The following ZNF652 variants were observed in gnomAD, a reference collection of about 807,000 sequenced individuals.
The protein encoded by ZNF652 is zinc finger protein 652.
In ZNF652, 16 loss-of-function variants were observed where a neutral mutation model predicts 45.2. The ratio of observed to expected loss-of-function variants is 0.35; its 90% CI spans 0.24 to 0.54. The LOEUF is 0.54. Ranked by LOEUF, ZNF652 falls within the 20% of genes least tolerant of loss-of-function variation. The pLI, the probability that ZNF652 is intolerant of heterozygous loss-of-function variation, is 0.91. For missense variants in ZNF652, 614 were observed against 765.6 expected, an observed-to-expected ratio of 0.80 and a Z score of 2.34; for synonymous variants, 250 against 260.6, an observed-to-expected ratio of 0.96 and a Z score of 0.39.
intron 1 of ZNF652, among the ~76,000 whole-genome samples, chr17:49,331,121 CTTTTTTTTT>C (rs1291833601): frequency 4.3e-5 from 5 of 115,728 alleles, no homozygotes; most frequent in African/African-American, 1.6e-4. Context: ...ATGAATGTGT[CTTTTTTTTT>C]TTTTTTTTTG....
chr17:49,317,101 T>G lies in ZNF652; in HGVS notation c.625A>C (p.Thr209Pro), dbSNP rs368648396. The change falls in exon 2 of 6, where the codon ACT becomes CCT. Residue 209 changes from threonine (T) to proline (P), a missense_variant. This residue lies in a region of ZNF652 where 262 missense variants were observed against 306.3 expected (regional missense o/e 0.86). Transcript: ENST00000430262. ...ACACTCTTCCTACGACCTCTTGTAG[T>G]TCTGGGAGTAGGGGAAGTGGTAGCT... is the stretch of plus-strand genomic sequence containing the variant. The part of the protein sequence containing the change: ...AAATTSPTPR[T>P]TRGRRKSVEP... 9 of 1,613,974 alleles carry G rather than the reference T, an allele frequency of 5.6e-6. No individual in the cohort carries two copies. The highest frequency in any genetic ancestry group is 4.5e-5 in the East Asian group (2 of 44,874).
chr17:49,297,388 T>C lies in ZNF652; in HGVS notation c.*1025A>G, dbSNP rs1453809982. ...TCCTCCTGTCAGCAAACAGCCTTAT[T>C]CAAATTTTCAAAACATGCAAGCTTT... is the stretch of plus-strand genomic sequence containing the variant. On this transcript the variant is annotated 3_prime_UTR_variant, in exon 6 of 6. Transcript: ENST00000430262. 1 of 152,482 alleles carries C rather than the reference T, an allele frequency of 6.6e-6. No homozygotes were observed. The highest frequency in any genetic ancestry group is 1.5e-5 in the Non-Finnish European group (1 of 68,036). The allele number at this position is 152,482 out of a possible 1,614,324, so 9.4% of individuals were successfully genotyped here. A position where few individuals can be genotyped will look rare whatever the true frequency, so the allele number is the denominator to read the frequency against.
chr17:49,340,635 G>A (rs904947281), intron 1 of ZNF652, among the ~76,000 whole-genome samples: 1 of 151,770 alleles, frequency 6.6e-6, no homozygotes, highest in South Asian at 2.1e-4. Context: ...TTTAAAAACT[G>A]GTTGGCATGG....
chr17:49,293,902 T>C lies in ZNF652; in HGVS notation c.*4511A>G, dbSNP rs1227193359. The stretch of plus-strand genomic sequence containing the variant: ...AAATATTTATCATGTGGACCAGCAA[T>C]GCAATAAAAGTTGTCTTTTCTATAC... On this transcript the variant is annotated 3_prime_UTR_variant, in exon 6 of 6. Transcript: ENST00000430262. Among the ~76,000 whole-genome samples the C allele has an allele frequency of 6.6e-6, 1 of 152,148 alleles. No homozygotes were observed. Among genetic ancestry groups the C allele is most frequent in the African/African-American group, 2.4e-5 (1 of 41,450 alleles).
Position 49,317,380 on chromosome 17 carries a change from G to A in ZNF652, c.346C>T (p.Gln116Ter). Residue 116 changes from glutamine to a stop codon, truncating the protein, a stop_gained, in exon 2 of 6, where the codon CAG becomes TAG. Transcript: ENST00000430262. LOFTEE classifies it high-confidence loss of function. The stretch of plus-strand genomic sequence containing the variant: ...TTAAGGTTTACCTCCACTATGATCT[G>A]CTCCCTTTTGTAAGAGACTTCTTCC... ...EEEEVSYKREQIIVEVNLNNQ... is the reference protein window; with the variant it reads ...EEEEVSYKRE 1 of 1,613,938 alleles carries A rather than the reference G, an allele frequency of 6.2e-7. No individual in the cohort carries two copies. Among genetic ancestry groups the A allele is most frequent in the Non-Finnish European group, 8.5e-7 (1 of 1,179,996 alleles).
chr17:49,356,476 A>G (rs1418854167), intron 1 of ZNF652, among the ~76,000 whole-genome samples: 1 of 151,760 alleles, frequency 6.6e-6, no homozygotes, highest in Non-Finnish European at 1.5e-5. Flanking sequence ...AAAACAAAAA[A>G]AACCCCTCCT....
At chr17:49,299,008 G>T in intron 5 of ZNF652, 84 bp from the exon 6 acceptor site, 2 of 1,372,976 alleles carry the variant, frequency 1.5e-6, no homozygotes, top group Non-Finnish European at 1.9e-6. Flanking sequence ...TAGAAATGGG[G>T]TCTCACTATG....
chr17:49,352,003 A>C (rs775378286), intron 1 of ZNF652, among the ~76,000 whole-genome samples: 2 of 152,174 alleles, frequency 1.3e-5, no homozygotes, highest in Non-Finnish European at 2.9e-5. Context: ...CAAAAACAAA[A>C]AAACAAACAA....
chr17:49,331,461 A>C, intron 1 of ZNF652, among the ~76,000 whole-genome samples: 1 of 152,072 alleles, frequency 6.6e-6, no homozygotes, highest in East Asian at 1.9e-4. Flanking sequence ...AACACCACAA[A>C]TTAGAACTGA....
rs1423614770 is a variant in ZNF652, at chr17:49,293,130, T to C, written c.*5283A>G. The stretch of plus-strand genomic sequence containing the variant: ...CTGTGACCATACATATATTATTGAG[T>C]AATACATAGAGTAACAAAGCAGAAA... On this transcript the variant is annotated 3_prime_UTR_variant, in exon 6 of 6. Coordinates refer to ENST00000430262, the MANE Select transcript of ZNF652 (RefSeq NM_001145365.3). 6.6e-6 allele frequency among the ~76,000 whole-genome samples: 1 copy of C among 152,176 alleles called. No individual in the cohort carries two copies. The highest frequency in any genetic ancestry group is 1.9e-4 in the East Asian group (1 of 5,194).
chr17:49,302,742 A>C (rs529095946), intron 5 of ZNF652, among the ~76,000 whole-genome samples: 1 of 150,586 alleles, frequency 6.6e-6, no homozygotes, highest in South Asian at 2.1e-4. Context: ...CACGCGGATC[A>C]TTTGAGGTCA....
chr17:49,354,567 C>T lies in ZNF652; in HGVS notation c.-259+7342G>A, dbSNP rs560273660. Among the ~76,000 whole-genome samples, 76 of 150,346 alleles carry T rather than the reference C, an allele frequency of 5.1e-4. 1 individual carries two copies. Among genetic ancestry groups the T allele is most frequent in the African/African-American group, 1.5e-3 (63 of 40,926 alleles). On this transcript the variant is annotated intron_variant, in intron 1 of 5. Coordinates refer to ENST00000430262, the MANE Select transcript of ZNF652 (RefSeq NM_001145365.3). ...CAGAGGCTGCAGTGAGCCGAGATCACGCCACTGCACCTCAGCCTGGGCATG... is the reference window on the plus strand; with the variant it reads ...CAGAGGCTGCAGTGAGCCGAGATCATGCCACTGCACCTCAGCCTGGGCATG...
rs140508461 is a variant in ZNF652 at position 49,313,216 on chromosome 17, C to T, written c.901-371G>A. On this transcript the variant is annotated intron_variant, in intron 2 of 5. Transcript: ENST00000430262. ...TGTCGCCCAGGCCGGAGTGCAGTGG[C>T]GCGATCTAGGCTCACTGCAACCTCC... is the stretch of plus-strand genomic sequence containing the variant. Among the ~76,000 whole-genome samples, 555 of 152,240 alleles carry T rather than the reference C, an allele frequency of 3.6e-3. 2 individuals carry two copies. Among genetic ancestry groups the T allele is most frequent in the African/African-American group, 0.013 (529 of 41,538 alleles).
chr17:49,309,440 T>G (rs1598288771), intron 5 of ZNF652, among the ~76,000 whole-genome samples: 1 of 134,556 alleles, frequency 7.4e-6, no homozygotes, highest in African/African-American at 2.8e-5. Context: ...CCCCGGGAGG[T>G]GGAGGCTGCA....
Position 49,290,829 on chromosome 17 carries a change from C to G in ZNF652, c.*7584G>C, listed in dbSNP as rs1292663683. The G allele has an allele frequency of 2.0e-5, 3 of 152,152 alleles. No homozygotes were observed. Among genetic ancestry groups the G allele is most frequent in the Non-Finnish European group, 4.4e-5 (3 of 68,022 alleles). The allele number at this position is 152,152 out of a possible 1,614,324, so 9.4% of individuals were successfully genotyped here. On this transcript the variant is annotated 3_prime_UTR_variant, in exon 6 of 6. Coordinates refer to ENST00000430262, the MANE Select transcript of ZNF652 (RefSeq NM_001145365.3). ...TCAAAATACATGAATAAGCTTTGAG[C>G]TAAGAGGCTATTCCAGAAGAGATTT... is the stretch of plus-strand genomic sequence containing the variant.
chr17:49,352,877 T>A (rs1301753819), intron 1 of ZNF652, among the ~76,000 whole-genome samples: 1 of 152,168 alleles, frequency 6.6e-6, no homozygotes, highest in East Asian at 1.9e-4. Context: ...GAAGCCAGTC[T>A]CTAAAGGTTA....
At chr17:49,315,120 CA>C (rs2069782970) in intron 2 of ZNF652, among the ~76,000 whole-genome samples, 1 of 150,110 alleles carries the variant, frequency 6.7e-6, no homozygotes, top group African/African-American at 2.5e-5. Flanking sequence ...CGGCTCACTG[CA>C]ACCTCCGCCT....
intron 1 of ZNF652, among the ~76,000 whole-genome samples, chr17:49,351,032 C>T (rs868576849): frequency 0.069 from 8,039 of 117,182 alleles, 602 homozygotes; most frequent in African/African-American, 0.099. Flanking sequence ...CACACACACA[C>T]ACACACACAC....
At chr17:49,288,748 G>A (rs531213402), downstream of ZNF652, among the ~76,000 whole-genome samples, 2 of 152,158 alleles carry the variant, frequency 1.3e-5, no homozygotes, top group Non-Finnish European at 2.9e-5. Flanking sequence ...TGAATGAAGG[G>A]GGTAGAGGTA....
Sources: gnomAD v4.1 joint callset for allele counts (sites outside exome capture counted in the v4.1 genomes callset) on GRCh38, gnomAD v4.1.1 for gene constraint, gnomAD v4.1.1 regional missense constraint, MANE v1.5 for transcripts, NCBI Gene and HGNC (gene_info 2026-07-23, HGNC 2026-07-21) for gene names.